HSPG2: variants seen among roughly 807,000 people sequenced by gnomAD.
HSPG2 encodes the protein heparan sulfate proteoglycan 2, also known as basement membrane-specific heparan sulfate proteoglycan core protein.
A neutral mutation model predicts 526.6 loss-of-function variants in HSPG2; 278 were observed. That is an observed-to-expected ratio of 0.53 (90% CI 0.48 to 0.58). The LOEUF is 0.58. HSPG2 is among the 20% of genes least tolerant of loss of function. HSPG2 has a pLI of 0.00. For missense variants in HSPG2, 5,354 were observed against 6,099.5 expected (o/e 0.88, Z 4.07); for synonymous variants, 2,465 against 2,555.4 (o/e 0.96, Z 1.07).
At chr1:21,852,888 C>T in intron 51 of HSPG2, 31 bp downstream of exon 51, 1 of 1,611,988 alleles carries the variant, frequency 6.2e-7, no homozygotes, top group East Asian at 2.2e-5. Context: ...TCCAGCCCCT[C>T]CAGCAAGGTG....
chr1:21,915,623 TC>T (rs1643870655), intron 1 of HSPG2, among the ~76,000 whole-genome samples: 1 of 152,186 alleles, frequency 6.6e-6, no homozygotes, highest in Non-Finnish European at 1.5e-5. Context: ...AGCAACTCCT[TC>T]CAGCAATACC....
rs750084953 is a variant in HSPG2 at position 21,835,589 on chromosome 1, G to A, written c.10404C>T (p.Ala3468=). Residue 3468 remains alanine, a synonymous_variant, in exon 76 of 97, where the codon GCC becomes GCT. Coordinates refer to ENST00000374695, the MANE Select transcript of HSPG2 (RefSeq NM_005529.7). ...CCTGGGCCTTCCCCCAAGGTCCATG[G>A]GCCTGGCATATATACGTCCCTTGGC... ...QSCQGTYICQ[A]HGPWGKAQAS... is the part of the protein sequence containing the mutation. 4 of 1,614,132 alleles carry A rather than the reference G, an allele frequency of 2.5e-6. No homozygotes were observed. The highest frequency in any genetic ancestry group is 2.2e-5 in the South Asian group (2 of 91,080).
intron 1 of HSPG2, among the ~76,000 whole-genome samples, chr1:21,932,989 G>T (rs1016144192): frequency 2.0e-5 from 3 of 152,166 alleles, no homozygotes; most frequent in African/African-American, 4.8e-5. Flanking sequence ...GAGGCCGAAG[G>T]GGGTGGATCA....
intron 1 of HSPG2, among the ~76,000 whole-genome samples, chr1:21,915,858 T>G (rs1258562783): frequency 2.6e-5 from 4 of 151,146 alleles, no homozygotes. Context: ...GAGACCAGCC[T>G]GGCCAACATG....
rs1487482980 is a variant in HSPG2, at chr1:21,854,634, C to G, written c.6265G>C (p.Gly2089Arg). The G allele has an allele frequency of 1.8e-5, 29 of 1,578,462 alleles. No individual in the cohort carries two copies. In the East Asian group the frequency reaches 6.7e-4, roughly 37 times the overall value. ...HAQVTWYRRGGSLPPHTQVHG... is the reference protein window; with the variant it reads ...HAQVTWYRRGRSLPPHTQVHG... ...ACCTGGGTGTGGGGAGGCAGGCTAC[C>G]CCCTCGCCTGTACCAGGTGACCTGG... is the stretch of plus-strand genomic sequence containing the variant. The change falls in exon 49 of 97, where the codon GGT (glycine) becomes CGT (arginine). Residue 2089 changes from glycine (G) to arginine (R), a missense_variant. Transcript: ENST00000374695.
chr1:21,932,116 C>T (rs1644365330), intron 1 of HSPG2, among the ~76,000 whole-genome samples: 1 of 148,584 alleles, frequency 6.7e-6, no homozygotes, highest in East Asian at 1.9e-4. Flanking sequence ...GGAGACCCCA[C>T]GGACACTGAG....
At chr1:21,923,405 C>CA (rs57774281) in intron 1 of HSPG2, among the ~76,000 whole-genome samples, 95 of 147,436 alleles carry the variant, frequency 6.4e-4, no homozygotes, top group African/African-American at 2.0e-3. Flanking sequence ...GACTCCGTCT[C>CA]AAAAAAAAAA....
At position 21,862,135 on chromosome 1, in the gene HSPG2, C is replaced by T; in HGVS notation, c.4741-20G>A. The stretch of plus-strand genomic sequence containing the variant: ...GCATTGCTGCAGGGCACAAGGAGGG[C>T]AGGCACCAGCCATTAGGCCAAATTT... On this transcript the variant is annotated intron_variant, in intron 37 of 96. Coordinates refer to ENST00000374695, the MANE Select transcript of HSPG2 (RefSeq NM_005529.7). 1.2e-6 allele frequency: 2 copies of T among 1,609,470 alleles called. No individual in the cohort carries two copies. Among genetic ancestry groups the T allele is most frequent in the South Asian group, 1.1e-5 (1 of 91,074 alleles).
intron 1 of HSPG2, among the ~76,000 whole-genome samples, chr1:21,924,221 G>A (rs1435273638): frequency 2.6e-5 from 4 of 152,194 alleles, no homozygotes; most frequent in Admixed American, 6.5e-5. Flanking sequence ...ATAGCCAGGC[G>A]CAGAGGAAGG....
intron 1 of HSPG2, among the ~76,000 whole-genome samples, chr1:21,905,247 CCACCCACACA>C (rs1557816190): frequency 1.5e-5 from 2 of 137,588 alleles, no homozygotes; most frequent in South Asian, 2.4e-4. Flanking sequence ...ACACACACAC[CCACCCACACA>C]CACCCACACA....
At chr1:21,840,127 TTTA>T in intron 71 of HSPG2, 110 bp from the exon 72 acceptor site, 1 of 842,778 alleles carries the variant, frequency 1.2e-6, no homozygotes, top group South Asian at 1.4e-5. Context: ...TTGGTATCTA[TTTA>T]TTTACTTATT....
intron 1 of HSPG2, among the ~76,000 whole-genome samples, chr1:21,916,691 CAA>C (rs11401856): frequency 4.4e-5 from 6 of 135,104 alleles, no homozygotes; most frequent in African/African-American, 8.6e-5. Flanking sequence ...GACTCCATCT[CAA>C]AAAAAAAAAA....
Position 21,859,020 on chromosome 1 carries a change from G to GAC in HSPG2, c.5293+544_5293+545dup, listed in dbSNP as rs2152728585. 6.6e-6 allele frequency among the ~76,000 whole-genome samples: 1 copy of GAC among 151,800 alleles called. No homozygotes were observed. The highest frequency in any genetic ancestry group is 2.4e-5 in the African/African-American group (1 of 41,382). ...ATCCCTGTCTCACTTTTCCCTGGAC[G>GAC]ACAGGGCAGGGTGACTCTGAGGTGC... On this transcript the variant is annotated intron_variant, in intron 42 of 96. Coordinates refer to ENST00000374695, the MANE Select transcript of HSPG2 (RefSeq NM_005529.7). This position sits in a 1 kb window ranked among gnomAD's most constrained non-coding sequence, Gnocchi z 5.3.
chr1:21,856,916 G>A, intron 44 of HSPG2, 99 bp downstream of exon 44: 1 of 1,280,912 alleles, frequency 7.8e-7, no homozygotes. Context: ...TGCAGCAGGT[G>A]CTCAGAAATG....
At chr1:21,928,917 AT>A (rs1469967855) in intron 1 of HSPG2, among the ~76,000 whole-genome samples, 2 of 151,152 alleles carry the variant, frequency 1.3e-5, no homozygotes, top group Non-Finnish European at 2.9e-5. Context: ...TGCTTAGCTG[AT>A]TTTTTTATTA....
chr1:21,842,870 G>C lies in HSPG2; in HGVS notation c.8810C>G (p.Thr2937Ser). ...IYIEASSSHV[T>S]EGQTLDLNCV... ...GTTCAGATCCAGAGTCTGCCCTTCAGTCACGTGTGAAGAGGAGGCCTCGAT... is the reference window on the plus strand; with the variant it reads ...GTTCAGATCCAGAGTCTGCCCTTCACTCACGTGTGAAGAGGAGGCCTCGAT... The change falls in exon 67 of 97, where the codon ACT becomes AGT. Residue 2937 changes from threonine to serine, a missense_variant. Transcript: ENST00000374695. 5.0e-6 allele frequency: 8 copies of C among 1,614,126 alleles called. No homozygotes were observed. The highest frequency in any genetic ancestry group is 6.8e-6 in the Non-Finnish European group (8 of 1,180,028).
chr1:21,854,196 G>C lies in HSPG2; in HGVS notation c.6436C>G (p.Pro2146Ala). 6.3e-7 allele frequency: 1 copy of C among 1,587,422 alleles called. No individual in the cohort carries two copies. The highest frequency in any genetic ancestry group is 1.3e-5 in the African/African-American group (1 of 74,504). ...CCAGCCACACCTGGCTCCTCACCTG[G>C]GGTGTAGCTGGGGCCAGAATGGGTG... ...HGTHSGPSYT[P>A]VPGSTRPIRI... Residue 2146 changes from proline (P) to alanine (A), a missense_variant, in exon 50 of 97, where the codon CCA becomes GCA. Physicochemically the swap from Pro to Ala is conservative, Grantham distance 27. Coordinates refer to ENST00000374695, the MANE Select transcript of HSPG2 (RefSeq NM_005529.7).
At position 21,904,461 on chromosome 1, in the gene HSPG2, A is replaced by C. The variant is rs572547483; in HGVS notation, c.64-8151T>G. ...GCGGCACGAGTGGGCTTTTCCATTT[A>C]AAAGGGCCGCCCCTCAGTTGTGCTG... On this transcript the variant is annotated intron_variant, in intron 1 of 96. Transcript: ENST00000374695. This position sits in a 1 kb window ranked among gnomAD's most constrained non-coding sequence, Gnocchi z 4.4. Among the ~76,000 whole-genome samples, 3 of 152,200 alleles carry C rather than the reference A, an allele frequency of 2.0e-5. No individual in the cohort carries two copies. The East Asian group carries it at 5.8e-4, about 29-fold the overall frequency.
At position 21,872,964 on chromosome 1, in the gene HSPG2, G is replaced by A. The variant is rs1163710185; in HGVS notation, c.3888+33C>T. ...CGCAGGGTCTGGGCAGCGGGGCAGA[G>A]CAGGCCCCGCAGGGACAGGGATTCG... is the stretch of plus-strand genomic sequence containing the variant. On this transcript the variant is annotated intron_variant, in intron 31 of 96. Coordinates refer to ENST00000374695, the MANE Select transcript of HSPG2 (RefSeq NM_005529.7). This position sits in a 1 kb window ranked among gnomAD's most constrained non-coding sequence, Gnocchi z 5.5. 1.9e-6 allele frequency: 3 copies of A among 1,581,072 alleles called. No homozygotes were observed. The highest frequency in any genetic ancestry group is 2.2e-5 in the South Asian group (2 of 90,470).
Sources: gnomAD v4.1 joint callset for allele counts (sites outside exome capture counted in the v4.1 genomes callset) on GRCh38, gnomAD v4.1.1 for gene constraint, Gnocchi (gnomAD v3.1) non-coding constraint, MANE v1.5 for transcripts, NCBI Gene and HGNC (gene_info 2026-07-23, HGNC 2026-07-21) for gene names.